DCLRE1C: variants seen among roughly 807,000 people sequenced by gnomAD.
DCLRE1C encodes the protein protein artemis.
Under a neutral mutation model 61.4 loss-of-function variants are expected in DCLRE1C, and 47 were observed. The ratio of observed to expected loss-of-function variants is 0.77; its 90% confidence interval spans 0.61 to 0.98. The LOEUF is 0.98. Among genes scored for constraint, DCLRE1C ranks in the 50% least tolerant of loss-of-function variants. The probability of loss-of-function intolerance (pLI) is 0.00; values close to 1 mark genes in which losing one functional copy is unlikely to be tolerated. For synonymous variants in DCLRE1C, 337 were observed against 287.6 expected, an observed-to-expected ratio of 1.17 and a Z score of -1.74; for missense variants, 858 against 816.0, an observed-to-expected ratio of 1.05 and a Z score of -0.63.
intron 13 of DCLRE1C, among the ~76,000 whole-genome samples, chr10:14,910,919 A>T (rs977072355): frequency 1.1e-4 from 16 of 152,224 alleles, no homozygotes; most frequent in African/African-American, 2.9e-4. Context: ...TCCCTGCTTC[A>T]TAACAGATTC....
Position 14,904,862 on chromosome 10 carries a change from C to G in DCLRE1C, c.*3546G>C, listed in dbSNP as rs1834261846. 6.6e-6 allele frequency among the ~76,000 whole-genome samples: 1 copy of G among 152,134 alleles called. No individual in the cohort carries two copies. Among genetic ancestry groups the G allele is most frequent in the South Asian group, 2.1e-4 (1 of 4,822 alleles). ...AATAGATCCAGTTTAAAAGGTGAAT[C>G]CACTGTATGTATTATATTGATACCA... is the stretch of plus-strand genomic sequence containing the variant. On this transcript the variant is annotated 3_prime_UTR_variant, in exon 14 of 14. Transcript: ENST00000378278.
In DCLRE1C at chr10:14,907,865, T is replaced by TTC. The variant is rs1554772946; in HGVS notation, c.*542_*543insGA. The stretch of plus-strand genomic sequence containing the variant: ...TTCTACCATTTTTTTTTCTTTTTTT[T>TTC]TTTTTTTTTTTTTGAGACAGAGTTT... On this transcript the variant is annotated 3_prime_UTR_variant, in exon 14 of 14. Transcript: ENST00000378278. 1 of 140,298 alleles carries TTC rather than the reference T, an allele frequency of 7.1e-6. No homozygotes were observed. Among genetic ancestry groups the TTC allele is most frequent in the African/African-American group, 2.6e-5 (1 of 38,446 alleles). The allele number at this position is 140,298 out of a possible 1,614,324, so 8.7% of individuals were successfully genotyped here.
At chr10:14,926,822 G>T in intron 11 of DCLRE1C, 21 bp downstream of exon 11, 1 of 1,601,792 alleles carries the variant, frequency 6.2e-7, no homozygotes, top group South Asian at 1.1e-5. Flanking sequence ...TAAGGGTTAT[G>T]AGTATATGGG....
intron 9 of DCLRE1C, among the ~76,000 whole-genome samples, chr10:14,928,771 C>T (rs938651337): frequency 1.3e-5 from 2 of 148,584 alleles, no homozygotes; most frequent in South Asian, 2.1e-4. Flanking sequence ...CAAATCCAAA[C>T]GAAGGGTGTA....
intron 13 of DCLRE1C, among the ~76,000 whole-genome samples, chr10:14,917,382 T>C (rs1048321913): frequency 3.3e-5 from 5 of 152,030 alleles, no homozygotes; most frequent in Non-Finnish European, 7.4e-5. Context: ...AATTGATAAG[T>C]TCACTTAAAA....
At chr10:14,931,961 G>A (rs879911585) in intron 9 of DCLRE1C, among the ~76,000 whole-genome samples, 8 of 152,140 alleles carry the variant, frequency 5.3e-5, no homozygotes, top group Admixed American at 1.3e-4. Context: ...TTGAACTCAG[G>A]AGGCAGAGGT....
chr10:14,944,672 T>TC (rs2131099571), intron 3 of DCLRE1C, among the ~76,000 whole-genome samples: 1 of 148,378 alleles, frequency 6.7e-6, no homozygotes, highest in African/African-American at 2.5e-5. Context: ...ATTTTTTTTT[T>TC]CTTTTTTTTT....
intron 13 of DCLRE1C, 70 bp downstream of exon 13, chr10:14,919,668 G>T: frequency 8.0e-7 from 1 of 1,252,408 alleles, no homozygotes; most frequent in Non-Finnish European, 1.2e-6. Context: ...ACTTCTCCCA[G>T]ACCCAAGCTC....
chr10:14,931,526 C>A (rs747506271), intron 9 of DCLRE1C, among the ~76,000 whole-genome samples: 2 of 151,978 alleles, frequency 1.3e-5, no homozygotes, highest in Non-Finnish European at 1.5e-5. Context: ...CCATTGCACT[C>A]CAGCCTGGGC....
intron 1 of DCLRE1C, among the ~76,000 whole-genome samples, chr10:14,950,404 C>T (rs1034907628): frequency 1.9e-4 from 28 of 149,570 alleles, no homozygotes; most frequent in African/African-American, 6.9e-4. Context: ...TTAGCTAAAC[C>T]AAACCAATTC....
intron 12 of DCLRE1C, among the ~76,000 whole-genome samples, chr10:14,922,708 C>T (rs990408948): frequency 6.6e-6 from 1 of 152,070 alleles, no homozygotes; most frequent in Non-Finnish European, 1.5e-5. Flanking sequence ...ATGACTAGCT[C>T]AGAGAAGTGA....
intron 9 of DCLRE1C, among the ~76,000 whole-genome samples, chr10:14,930,269 A>G (rs1255517350): frequency 8.9e-6 from 1 of 111,934 alleles, no homozygotes; most frequent in Admixed American, 1.0e-4. Flanking sequence ...GCACCACCAC[A>G]CTCAGCACCT....
intron 12 of DCLRE1C, among the ~76,000 whole-genome samples, 165 bp downstream of exon 12, chr10:14,922,816 G>A (rs1186498297): frequency 6.6e-6 from 1 of 152,060 alleles, no homozygotes; most frequent in Non-Finnish European, 1.5e-5. Context: ...CCACACTGTG[G>A]AACTAAAGGA....
chr10:14,936,329 T>TC (rs1295713768), intron 5 of DCLRE1C, among the ~76,000 whole-genome samples: 1 of 148,712 alleles, frequency 6.7e-6, no homozygotes, highest in African/African-American at 2.5e-5. Flanking sequence ...TTTCTTTCTT[T>TC]TTTTTTTTTT....
chr10:14,949,975 G>A (rs947564635), intron 1 of DCLRE1C, among the ~76,000 whole-genome samples: 1 of 152,090 alleles, frequency 6.6e-6, no homozygotes, highest in African/African-American at 2.4e-5. Context: ...AACATGGGAG[G>A]TAGAGGTTGC....
At chr10:14,931,050 A>C (rs1838902745) in intron 9 of DCLRE1C, among the ~76,000 whole-genome samples, 1 of 152,262 alleles carries the variant, frequency 6.6e-6, no homozygotes, top group East Asian at 1.9e-4. Context: ...AGTGATCTAA[A>C]TGAATAAATG....
At chr10:14,913,223 C>T (rs555835364) in intron 13 of DCLRE1C, among the ~76,000 whole-genome samples, 15 of 152,312 alleles carry the variant, frequency 9.8e-5, no homozygotes, top group East Asian at 3.9e-4. Flanking sequence ...AGATTAGTTG[C>T]GGCCTAAGGC....
At chr10:14,897,675 C>A in exon 14 of DCLRE1C, 2 of 579,630 alleles carry the variant, frequency 3.5e-6, no homozygotes, top group Non-Finnish European at 5.1e-6. Flanking sequence ...AGTTCACTGG[C>A]ATATTTAGAA....
At chr10:14,935,715 G>C (rs889450429) in intron 5 of DCLRE1C, 151 bp from the exon 6 acceptor site, 2 of 805,910 alleles carry the variant, frequency 2.5e-6, no homozygotes, top group Non-Finnish European at 4.2e-6. Flanking sequence ...AACCACACCA[G>C]GCACTCAGCT....
Sources: gnomAD v4.1 joint callset for allele counts (sites outside exome capture counted in the v4.1 genomes callset) on GRCh38, gnomAD v4.1.1 for gene constraint, MANE v1.5 for transcripts, NCBI Gene and HGNC (gene_info 2026-07-23, HGNC 2026-07-21) for gene names.